LPP: variants seen among roughly 807,000 people sequenced by gnomAD.
LPP encodes the protein lipoma-preferred partner.
In LPP, 38 loss-of-function variants were observed where a neutral mutation model predicts 60.4. The observed-to-expected ratio is 0.63, with a 90% CI of 0.49 to 0.83. LPP has a LOEUF of 0.83. Ranked by LOEUF, LPP falls within the 40% of genes least tolerant of loss-of-function variation. The probability of loss-of-function intolerance (pLI) is 0.00; values close to 1 mark genes in which losing one functional copy is unlikely to be tolerated. For missense variants in LPP, 902 were observed against 783.6 expected (o/e 1.15, Z -1.80); for synonymous variants, 328 against 290.8 (o/e 1.13, Z -1.30).
At chr3:188,326,530 T>C (rs1758471109) in intron 2 of LPP, among the ~76,000 whole-genome samples, 1 of 152,226 alleles carries the variant, frequency 6.6e-6, no homozygotes, top group Non-Finnish European at 1.5e-5. Flanking sequence ...TTTCTATACA[T>C]TATTCTGGAA....
intron 10 of LPP, among the ~76,000 whole-genome samples, chr3:188,868,355 G>T (rs930873654): frequency 6.6e-6 from 1 of 152,138 alleles, no homozygotes. Flanking sequence ...TCATGTCTAG[G>T]GGTAGGGAGC....
At position 188,406,178 on chromosome 3, in the gene LPP, C is replaced by T. The variant is rs771264620; in HGVS notation, c.58C>T (p.Pro20Ser). The T allele has an allele frequency of 1.5e-5, 25 of 1,614,048 alleles. No individual in the cohort carries two copies. Among genetic ancestry groups the T allele is most frequent in the Non-Finnish European group, 2.0e-5 (24 of 1,180,006 alleles). The change falls in exon 4 of 12, where the codon CCT (proline) becomes TCT (serine). Residue 20 changes from proline to serine, a missense_variant. Coordinates refer to ENST00000617246, the MANE Select transcript of LPP (RefSeq NM_001375462.1). ...KSTGEPLGHVPARMETTHSFG... is the reference protein window; with the variant it reads ...KSTGEPLGHVSARMETTHSFG... ...CACTGGTGAGCCCCTCGGCCATGTG[C>T]CTGCACGGATGGAGACCACCCATTC... is the stretch of plus-strand genomic sequence containing the variant.
intron 5 of LPP, among the ~76,000 whole-genome samples, chr3:188,493,851 A>G (rs1321313384): frequency 6.6e-6 from 1 of 152,168 alleles, no homozygotes; most frequent in Middle Eastern, 3.4e-3. Flanking sequence ...TATTCTTCAT[A>G]TTAGTTTTCT....
chr3:188,570,319 A>C (rs116146776), intron 6 of LPP, among the ~76,000 whole-genome samples: 1 of 152,026 alleles, frequency 6.6e-6, no homozygotes, highest in Non-Finnish European at 1.5e-5. Context: ...TTTTTGGTGA[A>C]TGGCTTATGT....
intron 9 of LPP, among the ~76,000 whole-genome samples, chr3:188,813,070 G>A (rs886362827): frequency 3.9e-5 from 6 of 152,012 alleles, no homozygotes; most frequent in Non-Finnish European, 8.8e-5. Flanking sequence ...CCCAATTCCT[G>A]GAGCCAGTTA....
chr3:188,663,891 T>C (rs1855171862), intron 7 of LPP, among the ~76,000 whole-genome samples: 1 of 152,142 alleles, frequency 6.6e-6, no homozygotes, highest in African/African-American at 2.4e-5. Flanking sequence ...CCTATGAGAA[T>C]CTAATGCCAC....
intron 6 of LPP, among the ~76,000 whole-genome samples, chr3:188,563,788 A>G (rs1831422457): frequency 7.0e-6 from 1 of 143,268 alleles, no homozygotes; most frequent in African/African-American, 2.6e-5. Context: ...CGCAAATGTT[A>G]GAATCCTCAT....
intron 8 of LPP, among the ~76,000 whole-genome samples, chr3:188,718,888 T>G (rs1715191437): frequency 6.6e-6 from 1 of 152,202 alleles, no homozygotes; most frequent in South Asian, 2.1e-4. Context: ...TAGGAAAACC[T>G]CTTCATTTTT....
At chr3:188,770,344 ATTTTTTTT>A (rs61040174) in intron 9 of LPP, among the ~76,000 whole-genome samples, 1 of 115,412 alleles carries the variant, frequency 8.7e-6, no homozygotes, top group East Asian at 3.2e-4. Flanking sequence ...ACGCCCAGCT[ATTTTTTTT>A]TTTTTTTTTT....
rs59994224 is a variant in LPP at position 188,819,027 on chromosome 3, CGTGTGTGTGTGTGTGTGT to C, written c.1411-47146_1411-47129del. Reference sequence around the variant, plus strand: ...CTAAAGAGTTGCAACTCATGGGGGTCGTGTGTGTGTGTGTGTGTGTGTGTGTGTGTGTGTGTGTGTGTG... The same window carrying C: ...CTAAAGAGTTGCAACTCATGGGGGTCGTGTGTGTGTGTGTGTGTGTGTGTG... On this transcript the variant is annotated intron_variant, in intron 9 of 11. Coordinates refer to ENST00000617246, the MANE Select transcript of LPP (RefSeq NM_001375462.1). 1.8e-4 allele frequency among the ~76,000 whole-genome samples: 26 copies of C among 142,292 alleles called. No individual in the cohort carries two copies. In the East Asian group the frequency reaches 3.1e-3, roughly 17 times the overall value. 93.3% of individuals were successfully genotyped at this position (142,292 alleles called of 152,430 possible). A position where few individuals can be genotyped will look rare whatever the true frequency, so the allele number is the denominator to read the frequency against.
chr3:188,724,912 C>T (rs1490990600), intron 8 of LPP, among the ~76,000 whole-genome samples: 1 of 152,206 alleles, frequency 6.6e-6, no homozygotes, highest in Admixed American at 6.5e-5. Context: ...AAAATAAAGT[C>T]ACCCTGTTGA....
At chr3:188,455,879 A>C (rs1797621060) in intron 4 of LPP, among the ~76,000 whole-genome samples, 1 of 152,146 alleles carries the variant, frequency 6.6e-6, no homozygotes, top group African/African-American at 2.4e-5. Context: ...TTCACTTGGC[A>C]TTTAAAAAAA....
intron 2 of LPP, among the ~76,000 whole-genome samples, chr3:188,247,891 G>T (rs971842178): frequency 6.6e-6 from 1 of 151,906 alleles, no homozygotes; most frequent in Admixed American, 6.6e-5. Flanking sequence ...CTTAGTGGAT[G>T]TAGAAGAGTT....
chr3:188,613,297 T>TCTATATCTATATCTATATCTATAC (rs1560643846), intron 7 of LPP, among the ~76,000 whole-genome samples: 2 of 140,672 alleles, frequency 1.4e-5, no homozygotes, highest in African/African-American at 2.7e-5. Flanking sequence ...TATATCTATA[T>TCTATATCTATATCTATATCTATAC]CTATATCTAT....
chr3:188,703,156 A>C (rs915535231), intron 7 of LPP, among the ~76,000 whole-genome samples: 2 of 152,232 alleles, frequency 1.3e-5, no homozygotes, highest in African/African-American at 4.8e-5. Flanking sequence ...GCTACAGTGA[A>C]TATGTTGCTG....
At chr3:188,755,496 A>G (rs556694532) in intron 8 of LPP, among the ~76,000 whole-genome samples, 1 of 152,258 alleles carries the variant, frequency 6.6e-6, no homozygotes, top group Non-Finnish European at 1.5e-5. Context: ...TCATATTACC[A>G]AAAGAGAAAA....
chr3:188,671,777 T>C (rs1430045366), intron 7 of LPP, among the ~76,000 whole-genome samples: 1 of 152,158 alleles, frequency 6.6e-6, no homozygotes, highest in Non-Finnish European at 1.5e-5. Flanking sequence ...ATTACTATAC[T>C]AGGCACCCAC....
intron 4 of LPP, among the ~76,000 whole-genome samples, chr3:188,441,014 C>G (rs775342394): frequency 4.0e-4 from 51 of 126,568 alleles, no homozygotes; most frequent in African/African-American, 1.2e-3. Flanking sequence ...AGTGTACTCT[C>G]TCTCCCTTAA....
chr3:188,611,992 C>G (rs956444679), intron 7 of LPP, among the ~76,000 whole-genome samples: 5 of 152,192 alleles, frequency 3.3e-5, no homozygotes, highest in Non-Finnish European at 4.4e-5. Context: ...CATCAGAAAA[C>G]ATGGAACTTT....
Sources: gnomAD v4.1 joint callset for allele counts (sites outside exome capture counted in the v4.1 genomes callset) on GRCh38, gnomAD v4.1.1 for gene constraint, MANE v1.5 for transcripts, NCBI Gene and HGNC (gene_info 2026-07-23, HGNC 2026-07-21) for gene names.